FLNB: variants seen among roughly 807,000 people sequenced by gnomAD.
The protein encoded by FLNB is filamin-B.
Under a neutral mutation model 250.6 loss-of-function variants are expected in FLNB, and 111 were observed. That is an observed-to-expected ratio of 0.44 (90% confidence interval 0.38 to 0.52). FLNB has a LOEUF of 0.52. Among genes scored for constraint, FLNB ranks in the 20% least tolerant of loss-of-function variants. The pLI, the probability that FLNB is intolerant of heterozygous loss-of-function variation, is 0.00. For missense variants in FLNB, 2,869 were observed against 3,447.8 expected (o/e 0.83, Z 4.20); for synonymous variants, 1,302 against 1,372.1 (o/e 0.95, Z 1.13).
chr3:58,109,042 T>C (rs1302966527), intron 13 of FLNB, 137 bp from the exon 14 acceptor site: 4 of 926,302 alleles, frequency 4.3e-6, no homozygotes, highest in African/African-American at 1.6e-5. Context: ...TGTGAAAATA[T>C]GGCACATTGT....
In FLNB at chr3:58,126,606, G is replaced by C. The variant is rs764743602; in HGVS notation, c.4066G>C (p.Ala1356Pro). 6.2e-7 allele frequency: 1 copy of C among 1,613,692 alleles called. No individual in the cohort carries two copies. Among genetic ancestry groups the C allele is most frequent in the Admixed American group, 1.7e-5 (1 of 59,994 alleles). ...TTTCTTTTCCACTCTTTCCAGAGGC[G>C]CAGGAATTGGTGGGCTTGGCATAAC... The part of the protein sequence containing the change: ...PNVFTVVTRG[A>P]GIGGLGITVE... The change falls in exon 24 of 46, where the codon GCA becomes CCA. Residue 1356 changes from alanine (A) to proline (P), a missense_variant. Ala to Pro is a conservative substitution (Grantham distance 27). Coordinates refer to ENST00000295956, the MANE Select transcript of FLNB (RefSeq NM_001457.4).
intron 1 of FLNB, among the ~76,000 whole-genome samples, chr3:58,052,575 C>T (rs1329012129): frequency 6.6e-6 from 1 of 152,166 alleles, no homozygotes; most frequent in Non-Finnish European, 1.5e-5. Context: ...AGAGAAGCCC[C>T]AGAAGCTGCA....
chr3:58,119,712 T>C (rs924049554), intron 19 of FLNB, among the ~76,000 whole-genome samples: 13 of 152,280 alleles, frequency 8.5e-5, no homozygotes, highest in Non-Finnish European at 1.0e-4. Flanking sequence ...CTAAAAAACA[T>C]TACAGTTAAG....
intron 1 of FLNB, among the ~76,000 whole-genome samples, chr3:58,033,171 G>A (rs966429350): frequency 2.6e-5 from 4 of 152,148 alleles, no homozygotes; most frequent in Non-Finnish European, 5.9e-5. Flanking sequence ...ACACTCCTGT[G>A]TACACATGTA....
chr3:58,019,059 C>A (rs1232050512), intron 1 of FLNB, among the ~76,000 whole-genome samples: 1 of 151,884 alleles, frequency 6.6e-6, no homozygotes, highest in East Asian at 1.9e-4. Flanking sequence ...ATAGCTTGAG[C>A]CCAGGAGTTT....
At chr3:58,035,741 G>A (rs2097137174) in intron 1 of FLNB, among the ~76,000 whole-genome samples, 1 of 152,208 alleles carries the variant, frequency 6.6e-6, no homozygotes, top group Non-Finnish European at 1.5e-5. Context: ...GAGGAAAGTG[G>A]AAGTTTTGAG....
Position 58,126,750 on chromosome 3 carries a change from G to C in FLNB, c.4210G>C (p.Ala1404Pro). The C allele has an allele frequency of 1.9e-6, 3 of 1,613,744 alleles. No individual in the cohort carries two copies. The highest frequency in any genetic ancestry group is 2.5e-6 in the Non-Finnish European group (3 of 1,179,718). ...DYDVNITYGG[A>P]HIPGSPFRVP... is the part of the protein sequence containing the mutation. ...CGATGTTAATATCACATATGGAGGA[G>C]CCCACATCCCCGGTGAGCTATTCCT... The change falls in exon 24 of 46, where the codon GCC becomes CCC. Residue 1404 changes from alanine (A) to proline (P), a missense_variant. Around this residue, in one of 5 missense-constraint regions of FLNB, gnomAD observed 1,348 missense variants for 1,466.7 expected, o/e 0.92. Coordinates refer to ENST00000295956, the MANE Select transcript of FLNB (RefSeq NM_001457.4).
chr3:58,166,299 A>C (rs995169390), intron 43 of FLNB, among the ~76,000 whole-genome samples: 3 of 152,168 alleles, frequency 2.0e-5, no homozygotes, highest in African/African-American at 7.2e-5. Context: ...AAAATATTGC[A>C]TTAGGGCCAA....
chr3:58,126,584 C>G lies in FLNB; in HGVS notation c.4062-18C>G. The stretch of plus-strand genomic sequence containing the variant: ...AAATAAATGGTGCACATTTCACTTT[C>G]TTTTCCACTCTTTCCAGAGGCGCAG... On this transcript the variant is annotated intron_variant, in intron 23 of 45. Coordinates refer to ENST00000295956, the MANE Select transcript of FLNB (RefSeq NM_001457.4). The G allele has an allele frequency of 6.2e-7, 1 of 1,613,138 alleles. No homozygotes were observed. Among genetic ancestry groups the G allele is most frequent in the South Asian group, 1.1e-5 (1 of 91,048 alleles).
At chr3:58,150,821 C>T (rs2097343600) in intron 38 of FLNB, 1 of 160,756 alleles carries the variant, frequency 6.2e-6, no homozygotes, top group African/African-American at 2.4e-5. Context: ...TTTGAGGCTC[C>T]TCTGCCCAGA....
intron 9 of FLNB, among the ~76,000 whole-genome samples, chr3:58,103,160 A>C (rs948862539): frequency 6.6e-6 from 1 of 152,152 alleles, no homozygotes; most frequent in Non-Finnish European, 1.5e-5. Flanking sequence ...GCTTTGGGTC[A>C]GGCTGTGCCC....
intron 10 of FLNB, among the ~76,000 whole-genome samples, chr3:58,104,645 G>A (rs181052595): frequency 1.3e-5 from 2 of 152,106 alleles, no homozygotes; most frequent in South Asian, 2.1e-4. Flanking sequence ...TACCTACCAC[G>A]CTTTTTTTTT....
Position 58,163,232 on chromosome 3 carries a change from T to C in FLNB, c.7100T>C (p.Val2367Ala), listed in dbSNP as rs1305986217. 4 of 1,614,200 alleles carry C rather than the reference T, an allele frequency of 2.5e-6. No homozygotes were observed. Among genetic ancestry groups the C allele is most frequent in the Non-Finnish European group, 3.4e-6 (4 of 1,180,022 alleles). Residue 2367 changes from valine (V) to alanine (A), a missense_variant, in exon 43 of 46, where the codon GTT (valine) becomes GCT (alanine). Transcript: ENST00000295956. The part of the protein sequence containing the change: ...IDVKFNGSHV[V>A]GSPFKVRVGE... ...GTCAAGTTCAATGGGAGCCACGTGG[T>C]TGGAAGCCCCTTCAAAGTGCGCGTT...
intron 20 of FLNB, among the ~76,000 whole-genome samples, chr3:58,122,207 T>C (rs1369349977): frequency 1.3e-5 from 2 of 148,508 alleles, no homozygotes; most frequent in Non-Finnish European, 3.0e-5. Flanking sequence ...AAAACATTAT[T>C]CTTGGCTGGG....
intron 4 of FLNB, among the ~76,000 whole-genome samples, chr3:58,092,739 GA>G (rs1240696086): frequency 1.3e-5 from 2 of 152,156 alleles, no homozygotes; most frequent in African/African-American, 4.8e-5. Flanking sequence ...CCAGAGGAAT[GA>G]AAACTTACTG....
At chr3:58,170,530 C>T (rs774020020) in intron 45 of FLNB, 45 bp from the exon 46 acceptor site, 2 of 1,588,080 alleles carry the variant, frequency 1.3e-6, no homozygotes, top group Admixed American at 1.7e-5. Context: ...CTTCCTGTGC[C>T]TGTCCTGATG....
chr3:58,076,554 A>G (rs909462621), intron 1 of FLNB, among the ~76,000 whole-genome samples: 1 of 152,098 alleles, frequency 6.6e-6, no homozygotes, highest in African/African-American at 2.4e-5. Flanking sequence ...TCCCGGGCTC[A>G]AGCGATCCTC....
At position 58,140,430 on chromosome 3, in the gene FLNB, C is replaced by T. The variant is rs929937921; in HGVS notation, c.5110-1428C>T. Reference sequence around the variant, plus strand: ...CAGAGGATAGGGCTGTTCCAAATGTCGCTCACAGAGCTGCCTTTGCCTTTC... The same window carrying T: ...CAGAGGATAGGGCTGTTCCAAATGTTGCTCACAGAGCTGCCTTTGCCTTTC... On this transcript the variant is annotated intron_variant, in intron 29 of 45. Transcript: ENST00000295956. 6.6e-5 allele frequency among the ~76,000 whole-genome samples: 10 copies of T among 152,298 alleles called. No individual in the cohort carries two copies. In the East Asian group the frequency reaches 9.6e-4, roughly 15 times the overall value.
intron 1 of FLNB, among the ~76,000 whole-genome samples, chr3:58,011,816 A>G (rs2097099331): frequency 2.0e-5 from 3 of 152,238 alleles, no homozygotes; most frequent in Admixed American, 6.5e-5. Flanking sequence ...TGCTTCTGCA[A>G]GTCACTTAGA....
Sources: gnomAD v4.1 joint callset for allele counts (sites outside exome capture counted in the v4.1 genomes callset) on GRCh38, gnomAD v4.1.1 for gene constraint, gnomAD v4.1.1 regional missense constraint, MANE v1.5 for transcripts, NCBI Gene and HGNC (gene_info 2026-07-23, HGNC 2026-07-21) for gene names.